The following RBMS3 variants were observed in gnomAD, a reference collection of about 807,000 sequenced individuals.
The protein encoded by RBMS3 is RNA binding motif single stranded interacting protein 3.
Under a neutral mutation model 66.8 loss-of-function variants are expected in RBMS3, and 27 were observed. That is an observed-to-expected ratio of 0.40 (90% CI 0.30 to 0.56). The LOEUF is 0.56. Among genes scored for constraint, RBMS3 ranks in the 20% least tolerant of loss-of-function variants. RBMS3 has a pLI of 0.40. For missense variants in RBMS3, 513 were observed against 549.5 expected, an observed-to-expected ratio of 0.93 and a Z score of 0.66; for synonymous variants, 188 against 183.0, an observed-to-expected ratio of 1.03 and a Z score of -0.22.
chr3:29,806,881 A>T (rs74788537), intron 6 of RBMS3, among the ~76,000 whole-genome samples: 7,565 of 151,944 alleles, frequency 0.05, 256 homozygotes, highest in Non-Finnish European at 0.075. Context: ...AACTATTTGC[A>T]GTTGCTTTTT....
intron 1 of RBMS3, among the ~76,000 whole-genome samples, chr3:29,351,887 G>A (rs1049850418): frequency 3.3e-5 from 5 of 151,654 alleles, no homozygotes; most frequent in Non-Finnish European, 4.4e-5. Flanking sequence ...ACACATGTAC[G>A]TGCTCATACA....
chr3:29,802,785 C>A (rs1238099566), intron 6 of RBMS3, among the ~76,000 whole-genome samples: 2 of 152,070 alleles, frequency 1.3e-5, no homozygotes, highest in African/African-American at 4.8e-5. Flanking sequence ...AGAGTTAGGG[C>A]AGTCTGATAT....
intron 2 of RBMS3, among the ~76,000 whole-genome samples, chr3:29,451,280 T>C (rs1250523666): frequency 1.3e-5 from 2 of 152,140 alleles, no homozygotes; most frequent in African/African-American, 4.8e-5. Flanking sequence ...TTTTATAACC[T>C]CAAAATGCTG....
chr3:29,319,776 A>G (rs919110015), intron 1 of RBMS3, among the ~76,000 whole-genome samples: 18 of 152,016 alleles, frequency 1.2e-4, no homozygotes, highest in African/African-American at 4.3e-4. Flanking sequence ...CTAAGTCCAA[A>G]GTACTTAGAA....
intron 4 of RBMS3, among the ~76,000 whole-genome samples, chr3:29,620,936 G>A (rs1038679779): frequency 7.2e-5 from 11 of 152,046 alleles, no homozygotes; most frequent in African/African-American, 2.2e-4. Context: ...GATAAAATAT[G>A]CATACCAATT....
At position 29,281,639 on chromosome 3, in the gene RBMS3, C is replaced by T. The variant is rs559915293; in HGVS notation, c.-43C>T. The stretch of plus-strand genomic sequence containing the variant: ...GAAGCTCGGCCTGGGGCACTATACC[C>T]TGTCATCCAGTTCCCTGCCTCGGAG... On this transcript the variant is annotated 5_prime_UTR_variant, in exon 1 of 15. Transcript: ENST00000383767. 31 of 1,547,020 alleles carry T rather than the reference C, an allele frequency of 2.0e-5. No individual in the cohort carries two copies. The Middle Eastern group carries it at 8.5e-4, about 42-fold the overall frequency.
chr3:29,546,778 C>G (rs2045967867), intron 3 of RBMS3, among the ~76,000 whole-genome samples: 1 of 152,128 alleles, frequency 6.6e-6, no homozygotes, highest in Non-Finnish European at 1.5e-5. Flanking sequence ...AGACTCATTT[C>G]ACCTTGGAAT....
intron 6 of RBMS3, chr3:29,767,598 T>G (rs1023320524): frequency 2.6e-5 from 4 of 151,968 alleles, no homozygotes; most frequent in Non-Finnish European, 5.9e-5. Flanking sequence ...CATAGTAATT[T>G]TAGTGTTGTG....
chr3:29,827,722 T>G (rs2058246365), intron 6 of RBMS3, among the ~76,000 whole-genome samples: 1 of 152,126 alleles, frequency 6.6e-6, no homozygotes, highest in Non-Finnish European at 1.5e-5. Context: ...CACTGCCTCT[T>G]GCATGTAGCA....
intron 6 of RBMS3, among the ~76,000 whole-genome samples, chr3:29,816,663 G>T (rs989573571): frequency 1.3e-5 from 2 of 152,086 alleles, no homozygotes; most frequent in Admixed American, 6.6e-5. Context: ...CTTATAATGT[G>T]AAGTTCTTTA....
At chr3:29,868,992 T>C (rs1217259571) in intron 7 of RBMS3, 28 bp downstream of exon 7, 17 of 1,541,390 alleles carry the variant, frequency 1.1e-5, no homozygotes, top group Non-Finnish European at 1.5e-5. Context: ...ACATTTGCTC[T>C]GAAATTTGGC....
At chr3:29,968,745 C>T (rs1166264574) in intron 12 of RBMS3, among the ~76,000 whole-genome samples, 2 of 152,230 alleles carry the variant, frequency 1.3e-5, no homozygotes, top group East Asian at 1.9e-4. Flanking sequence ...TTCAGAGGGT[C>T]TGTGGATCCT....
At chr3:29,993,136 T>G (rs1308188910) in intron 14 of RBMS3, among the ~76,000 whole-genome samples, 1 of 149,400 alleles carries the variant, frequency 6.7e-6, no homozygotes, top group Admixed American at 6.6e-5. Context: ...ATGTAAGGTA[T>G]TATTATGATT....
chr3:29,693,103 TGA>T (rs2052106740), intron 4 of RBMS3, among the ~76,000 whole-genome samples: 1 of 152,126 alleles, frequency 6.6e-6, no homozygotes, highest in African/African-American at 2.4e-5. Context: ...GGTTTTTTAC[TGA>T]GATACTTTTC....
intron 14 of RBMS3, among the ~76,000 whole-genome samples, chr3:29,994,159 A>G (rs1283114961): frequency 6.6e-6 from 1 of 152,212 alleles, no homozygotes; most frequent in Non-Finnish European, 1.5e-5. Context: ...AGTCAAAGAA[A>G]GGGGTGACGG....
At chr3:29,358,442 A>G (rs1048594579) in intron 1 of RBMS3, among the ~76,000 whole-genome samples, 6 of 152,186 alleles carry the variant, frequency 3.9e-5, no homozygotes, top group African/African-American at 1.2e-4. Context: ...TGTTTTGGTT[A>G]CTGTAACCTC....
At chr3:29,407,903 A>G (rs1022700961) in intron 1 of RBMS3, among the ~76,000 whole-genome samples, 1 of 152,222 alleles carries the variant, frequency 6.6e-6, no homozygotes. Flanking sequence ...GTAAATAAAT[A>G]TTAATATCCT....
chr3:29,535,446 G>A (rs1277487774), intron 3 of RBMS3, among the ~76,000 whole-genome samples: 1 of 152,054 alleles, frequency 6.6e-6, no homozygotes, highest in Non-Finnish European at 1.5e-5. Flanking sequence ...TGGCTAAAAA[G>A]GAGCTAATTG....
At chr3:29,449,449 C>G (rs751330855) in intron 2 of RBMS3, among the ~76,000 whole-genome samples, 2 of 152,106 alleles carry the variant, frequency 1.3e-5, no homozygotes, top group African/African-American at 4.8e-5. Flanking sequence ...ATATAAATGC[C>G]CATTGATGCA....
Sources: gnomAD v4.1 joint callset for allele counts (sites outside exome capture counted in the v4.1 genomes callset) on GRCh38, gnomAD v4.1.1 for gene constraint, MANE v1.5 for transcripts, NCBI Gene and HGNC (gene_info 2026-07-23, HGNC 2026-07-21) for gene names.